Variants in PRKN observed in about 807,000 individuals in gnomAD.
PRKN encodes the protein parkin RBR E3 ubiquitin protein ligase, also known as E3 ubiquitin-protein ligase parkin.
Under a neutral mutation model 59.5 loss-of-function variants are expected in PRKN, and 56 were observed. The observed-to-expected ratio is 0.94, with a 90% CI of 0.76 to 1.18. The LOEUF (loss-of-function observed/expected upper bound fraction) is 1.18. PRKN is among the 50% of genes most tolerant of loss of function. The pLI is 0.00. For missense variants in PRKN, 657 were observed against 596.4 expected, an observed-to-expected ratio of 1.10 and a Z score of -1.06; for synonymous variants, 250 against 222.1, an observed-to-expected ratio of 1.13 and a Z score of -1.12.
At chr6:162,577,372 C>T (rs747790192) in intron 1 of PRKN, among the ~76,000 whole-genome samples, 30 of 148,712 alleles carry the variant, frequency 2.0e-4, no homozygotes, top group Admixed American at 1.3e-3. Context: ...GGCCGAGGCA[C>T]GTGGATCACC....
At chr6:162,364,325 T>C (rs1279875264) in intron 2 of PRKN, among the ~76,000 whole-genome samples, 1 of 152,186 alleles carries the variant, frequency 6.6e-6, no homozygotes, top group Non-Finnish European at 1.5e-5. Flanking sequence ...CAACTGGACT[T>C]TTCCTTAATT....
intron 2 of PRKN, among the ~76,000 whole-genome samples, chr6:162,303,861 T>C (rs939355123): frequency 4.6e-5 from 7 of 151,944 alleles, no homozygotes; most frequent in African/African-American, 1.4e-4. Flanking sequence ...AAGTGGTGGA[T>C]GGAGGTAGTG....
chr6:161,873,752 T>A (rs1794442984), intron 6 of PRKN, among the ~76,000 whole-genome samples: 2 of 151,270 alleles, frequency 1.3e-5, no homozygotes, highest in South Asian at 4.2e-4. Context: ...TTGCCCTATT[T>A]CCCCTACTAT....
At chr6:161,367,890 A>G (rs1281840940) in intron 10 of PRKN, among the ~76,000 whole-genome samples, 1 of 152,182 alleles carries the variant, frequency 6.6e-6, no homozygotes, top group Non-Finnish European at 1.5e-5. Flanking sequence ...GTCATTAACT[A>G]TTTCAGCTGG....
At chr6:162,062,122 T>C (rs1001908869) in intron 4 of PRKN, among the ~76,000 whole-genome samples, 1 of 152,216 alleles carries the variant, frequency 6.6e-6, no homozygotes, top group African/African-American at 2.4e-5. Flanking sequence ...CAAGTGCTCC[T>C]AACAATTTTA....
At chr6:161,670,001 C>A (rs745479249) in intron 7 of PRKN, among the ~76,000 whole-genome samples, 2 of 152,222 alleles carry the variant, frequency 1.3e-5, no homozygotes, top group Non-Finnish European at 2.9e-5. Flanking sequence ...GGATCTCAGT[C>A]TGGCATCCAG....
At chr6:161,699,102 A>C (rs1194648646) in intron 7 of PRKN, among the ~76,000 whole-genome samples, 2 of 152,182 alleles carry the variant, frequency 1.3e-5, no homozygotes, top group Non-Finnish European at 2.9e-5. Flanking sequence ...AAGAAGATAC[A>C]AGGGTGGCAA....
intron 7 of PRKN, among the ~76,000 whole-genome samples, chr6:161,651,924 T>C (rs1458161201): frequency 1.3e-5 from 2 of 152,252 alleles, no homozygotes; most frequent in Non-Finnish European, 2.9e-5. Context: ...AACAGTCATC[T>C]GTGTTATACA....
intron 7 of PRKN, among the ~76,000 whole-genome samples, chr6:161,734,194 A>G (rs957323925): frequency 2.0e-5 from 3 of 152,116 alleles, no homozygotes; most frequent in Non-Finnish European, 4.4e-5. Context: ...GCAAATTTTA[A>G]AGCAACTGAA....
At chr6:162,236,447 C>G (rs1221450749) in intron 3 of PRKN, among the ~76,000 whole-genome samples, 1 of 152,106 alleles carries the variant, frequency 6.6e-6, no homozygotes, top group Non-Finnish European at 1.5e-5. Context: ...TCTTCCACCC[C>G]ACTCCTCCAC....
At chr6:162,713,212 G>T (rs1388883636) in intron 1 of PRKN, among the ~76,000 whole-genome samples, 1 of 152,172 alleles carries the variant, frequency 6.6e-6, no homozygotes, top group Non-Finnish European at 1.5e-5. Context: ...TATAAAATTA[G>T]GTCTCTTTGG....
rs1780219645 is a variant in PRKN at position 162,107,063 on chromosome 6, A to G, written c.535-52889T>C. ...GCTCCAAGAGTCTCACTCAGAGGTG[A>G]GCGTAGGGTTAGAAGAAAAAAATGG... On this transcript the variant is annotated intron_variant, in intron 4 of 11. Transcript: ENST00000366898. Among the ~76,000 whole-genome samples, 3 of 152,338 alleles carry G rather than the reference A, an allele frequency of 2.0e-5. No homozygotes were observed. In the South Asian group the frequency reaches 6.2e-4, roughly 32 times the overall value.
chr6:162,675,044 ATTTATT>A (rs1779483509), intron 1 of PRKN, among the ~76,000 whole-genome samples: 1 of 151,302 alleles, frequency 6.6e-6, no homozygotes, highest in African/African-American at 2.4e-5. Context: ...TTATTTATTT[ATTTATT>A]TATTTATTTA....
At chr6:161,433,779 GGCCGAGGCAA>G (rs1562445978) in intron 9 of PRKN, among the ~76,000 whole-genome samples, 1 of 152,052 alleles carries the variant, frequency 6.6e-6, no homozygotes, top group African/African-American at 2.4e-5. Flanking sequence ...CACTTTGGGA[GGCCGAGGCAA>G]GCAGATCACC....
chr6:161,368,193 G>A (rs1054185094), intron 10 of PRKN, among the ~76,000 whole-genome samples: 1 of 150,964 alleles, frequency 6.6e-6, no homozygotes, highest in South Asian at 2.1e-4. Flanking sequence ...TGGGAGGCCA[G>A]TGCGACGGTC....
At chr6:162,507,296 T>TA (rs1793653303) in intron 1 of PRKN, among the ~76,000 whole-genome samples, 1 of 152,156 alleles carries the variant, frequency 6.6e-6, no homozygotes, top group African/African-American at 2.4e-5. Context: ...GCAAATCGTA[T>TA]GATTTCACTC....
chr6:161,504,196 T>G (rs1385351204), intron 9 of PRKN, among the ~76,000 whole-genome samples: 2 of 152,182 alleles, frequency 1.3e-5, no homozygotes, highest in East Asian at 3.8e-4. Flanking sequence ...GCTGGAAGGA[T>G]GGGCTGAACC....
chr6:162,244,962 A>G (rs1779140005), intron 3 of PRKN, among the ~76,000 whole-genome samples: 1 of 152,122 alleles, frequency 6.6e-6, no homozygotes, highest in East Asian at 1.9e-4. Context: ...AATGTTTCAC[A>G]AACTGTTAGA....
In PRKN at chr6:161,405,643, TAAATA is replaced by T. The variant is rs1787234099; in HGVS notation, c.1084-18771_1084-18767del. Among the ~76,000 whole-genome samples, 1 of 140,492 alleles carries T rather than the reference TAAATA, an allele frequency of 7.1e-6. No individual in the cohort carries two copies. 92.2% of individuals were successfully genotyped at this position (140,492 alleles called of 152,430 possible). A position where few individuals can be genotyped will look rare whatever the true frequency, so the allele number is the denominator to read the frequency against. On this transcript the variant is annotated intron_variant, in intron 9 of 11. Transcript: ENST00000366898. This position sits in a 1 kb window ranked among gnomAD's most constrained non-coding sequence, Gnocchi z 5.1. ...ATAAATAAATAAATAAATAAATAAATAAATAAATTTGGGTCCACCATAATCAGCAT... is the reference window on the plus strand; with the variant it reads ...ATAAATAAATAAATAAATAAATAAATAATTTGGGTCCACCATAATCAGCAT...
Sources: allele counts gnomAD v4.1 joint callset (sites outside exome capture counted in the v4.1 genomes callset), GRCh38; gene constraint gnomAD v4.1.1; non-coding constraint Gnocchi (gnomAD v3.1); transcripts MANE v1.5; gene names NCBI Gene and HGNC (gene_info 2026-07-23, HGNC 2026-07-21).